The following DENND2B variants were observed in gnomAD, a reference collection of about 807,000 sequenced individuals.
DENND2B encodes DENN domain-containing protein 2B.
In DENND2B, 32 loss-of-function variants were observed where a neutral mutation model predicts 116.0. The observed-to-expected ratio is 0.28, with a 90% confidence interval of 0.21 to 0.37. The LOEUF (loss-of-function observed/expected upper bound fraction) is 0.37, where lower values mean the gene tolerates loss of function less well. DENND2B is among the 10% of genes least tolerant of loss of function. The probability of loss-of-function intolerance (pLI) is 1.00; values close to 1 mark genes in which losing one functional copy is unlikely to be tolerated. For synonymous variants in DENND2B, 588 were observed against 583.9 expected (o/e 1.01, Z -0.10); for missense variants, 1,276 against 1,477.7 (o/e 0.86, Z 2.24).
chr11:8,760,355 C>T (rs181100237), intron 1 of DENND2B, among the ~76,000 whole-genome samples: 155 of 152,228 alleles, frequency 1.0e-3, no homozygotes, highest in African/African-American at 3.5e-3. Context: ...TGTGAGCTTT[C>T]GCCTGTAATC....
In DENND2B at chr11:8,702,861, C is replaced by A. The variant is rs981611449; in HGVS notation, c.2572-141G>T. ...CTCGTCTACCCTGCTATGCAGTAAA[C>A]CCCTCTTCTCCATCCCTCGGACTAC... On this transcript the variant is annotated intron_variant, in intron 13 of 19. Transcript: ENST00000313726. The surrounding 1 kb of genome is among the most constrained non-coding windows in gnomAD (Gnocchi z 4.6). The A allele has an allele frequency of 6.6e-5, 66 of 999,514 alleles. No homozygotes were observed. The highest frequency in any genetic ancestry group is 8.5e-5 in the Non-Finnish European group (59 of 695,012). 61.9% of individuals were successfully genotyped at this position (999,514 alleles called of 1,614,324 possible).
intron 4 of DENND2B, among the ~76,000 whole-genome samples, chr11:8,816,396 A>T (rs1467352392): frequency 6.6e-6 from 1 of 152,140 alleles, no homozygotes; most frequent in Admixed American, 6.5e-5. Context: ...TAATAATTTT[A>T]AAAAATTGGC....
intron 15 of DENND2B, 30 bp downstream of exon 15, chr11:8,699,183 T>C: frequency 6.5e-7 from 1 of 1,535,308 alleles, no homozygotes; most frequent in Non-Finnish European, 8.7e-7. Context: ...CCTCCACCCT[T>C]CCCCCCAGCT....
intron 4 of DENND2B, among the ~76,000 whole-genome samples, chr11:8,816,146 G>T (rs986057843): frequency 1.8e-4 from 27 of 152,156 alleles, no homozygotes; most frequent in Admixed American, 1.8e-3. Flanking sequence ...GAATGCCTAA[G>T]AAATGGCAGT....
At chr11:8,909,460 AAGG>A (rs1419474712) in intron 1 of DENND2B, among the ~76,000 whole-genome samples, 1 of 152,000 alleles carries the variant, frequency 6.6e-6, no homozygotes, top group African/African-American at 2.4e-5. Flanking sequence ...GGAGAAGGAG[AAGG>A]AGAAGAAATG....
intron 3 of DENND2B, among the ~76,000 whole-genome samples, 156 bp downstream of exon 3, chr11:8,729,794 T>G (rs1014004454): frequency 3.9e-5 from 6 of 152,162 alleles, no homozygotes; most frequent in African/African-American, 1.2e-4. Flanking sequence ...ACAATCTCAT[T>G]TTTCACTACC....
chr11:8,754,029 GCACACACACACA>G (rs60488372), intron 1 of DENND2B, among the ~76,000 whole-genome samples: 8 of 138,734 alleles, frequency 5.8e-5, no homozygotes, highest in African/African-American at 1.9e-4. Flanking sequence ...CCAAAAGCGC[GCACACACACACA>G]CACACACACA....
intron 1 of DENND2B, chr11:8,895,519 A>T (rs1401423248): frequency 4.6e-5 from 7 of 152,226 alleles, no homozygotes; most frequent in African/African-American, 1.7e-4. Context: ...GAGTCCACTT[A>T]TATGAGGTAC....
intron 3 of DENND2B, among the ~76,000 whole-genome samples, chr11:8,845,849 T>A (rs530045811): frequency 6.6e-6 from 1 of 152,204 alleles, no homozygotes; most frequent in African/African-American, 2.4e-5. Flanking sequence ...CGTGGATAAT[T>A]ACTGTTATAT....
rs150429879 is a variant in DENND2B, at chr11:8,797,856, A to C, written c.-26+12661T>G. The stretch of plus-strand genomic sequence containing the variant: ...TTGTGCCACCATCCTCCACCCCGAC[A>C]CCCCCTTGCTCCCTACATTCTAACA... On this transcript the variant is annotated intron_variant, in intron 1 of 19. Transcript: ENST00000313726. Among the ~76,000 whole-genome samples the C allele has an allele frequency of 2.4e-3, 368 of 151,474 alleles. 5 individuals carry two copies. In the East Asian group the frequency reaches 0.036, roughly 15 times the overall value.
Position 8,730,549 on chromosome 11 carries a change from G to A in DENND2B, c.741C>T (p.Leu247=), listed in dbSNP as rs766518497. The change falls in exon 3 of 20, where the codon CTC becomes CTT. Residue 247 remains leucine, a synonymous_variant. Transcript: ENST00000313726. This position sits in a 1 kb window ranked among gnomAD's most constrained non-coding sequence, Gnocchi z 4.1. ...GCCGGTAGAAAGAGTCCCGGACAGGGAGCGCCTCTCCCTCCTCCTCAGTCT... is the reference window on the plus strand; with the variant it reads ...GCCGGTAGAAAGAGTCCCGGACAGGAAGCGCCTCTCCCTCCTCCTCAGTCT... ...YPETEEEGEA[L]PVRDSFYRLE... The A allele has an allele frequency of 1.1e-5, 18 of 1,613,212 alleles. No homozygotes were observed. The Middle Eastern group carries it at 2.0e-3, about 177-fold the overall frequency.
At chr11:8,909,275 G>T (rs76900738) in intron 1 of DENND2B, among the ~76,000 whole-genome samples, 2,979 of 152,302 alleles carry the variant, frequency 0.02, 42 homozygotes, top group Non-Finnish European at 0.032. Flanking sequence ...TGAAGAAGAG[G>T]ATCGCTTGAG....
At chr11:8,738,021 T>G (rs773085687) in intron 2 of DENND2B, among the ~76,000 whole-genome samples, 5 of 152,034 alleles carry the variant, frequency 3.3e-5, no homozygotes, top group African/African-American at 1.2e-4. Context: ...AGTGCTGGGA[T>G]TGCAGGCATG....
intron 1 of DENND2B, among the ~76,000 whole-genome samples, chr11:8,754,029 G>GCGCGCGCACACACACACACA (rs146486674): frequency 1.6e-4 from 22 of 138,832 alleles, no homozygotes; most frequent in African/African-American, 5.7e-4. Flanking sequence ...CCAAAAGCGC[G>GCGCGCGCACACACACACACA]CACACACACA....
At chr11:8,882,103 G>A (rs2134729082) in intron 1 of DENND2B, among the ~76,000 whole-genome samples, 1 of 151,842 alleles carries the variant, frequency 6.6e-6, no homozygotes, top group South Asian at 2.1e-4. Flanking sequence ...ATTATCTCTA[G>A]CTCCGACTTC....
Position 8,698,904 on chromosome 11 carries a change from C to T in DENND2B, c.2940+29G>A, listed in dbSNP as rs1450531322. 1.9e-6 allele frequency: 3 copies of T among 1,613,858 alleles called. No homozygotes were observed. In the South Asian group the frequency reaches 3.3e-5, roughly 18 times the overall value. ...GTGATGGTGCAGGGTGCTCAGGAGCCCAACTCTAGCAAGCACCCACCCTCT... is the reference window on the plus strand; with the variant it reads ...GTGATGGTGCAGGGTGCTCAGGAGCTCAACTCTAGCAAGCACCCACCCTCT... On this transcript the variant is annotated intron_variant, in intron 16 of 19. Coordinates refer to ENST00000313726, the MANE Select transcript of DENND2B (RefSeq NM_213618.2).
At chr11:8,838,027 G>A (rs2062495891) in intron 4 of DENND2B, among the ~76,000 whole-genome samples, 1 of 152,226 alleles carries the variant, frequency 6.6e-6, no homozygotes, top group African/African-American at 2.4e-5. Context: ...GCCGAGGCAT[G>A]GACAGGCAGT....
chr11:8,794,948 T>C (rs4929911), intron 1 of DENND2B: 56,109 of 152,260 alleles, frequency 0.37, 11,689 homozygotes, highest in Non-Finnish European at 0.45. Context: ...CTCCCAGGCA[T>C]GTCCTGTGTA....
intron 3 of DENND2B, among the ~76,000 whole-genome samples, chr11:8,853,219 C>T (rs113951435): frequency 0.21 from 31,962 of 151,930 alleles, 3,824 homozygotes; most frequent in Middle Eastern, 0.36. Flanking sequence ...AAAAATTAGC[C>T]GGGCGTGGTG....
Sources: allele counts gnomAD v4.1 joint callset (sites outside exome capture counted in the v4.1 genomes callset), GRCh38; gene constraint gnomAD v4.1.1; non-coding constraint Gnocchi (gnomAD v3.1); transcripts MANE v1.5; gene names NCBI Gene and HGNC (gene_info 2026-07-23, HGNC 2026-07-21).